The following MCM9 variants were observed in gnomAD, a reference collection of about 807,000 sequenced individuals.
MCM9 encodes minichromosome maintenance 9 homologous recombination repair factor, also known as DNA helicase MCM9.
Under a neutral mutation model 72.8 loss-of-function variants are expected in MCM9, and 55 were observed. That is an observed-to-expected ratio of 0.76 (90% CI 0.61 to 0.95). The LOEUF (loss-of-function observed/expected upper bound fraction) is 0.95, where lower values mean the gene tolerates loss of function less well. Among genes scored for constraint, MCM9 ranks in the 40% least tolerant of loss-of-function variants. MCM9 has a pLI of 0.00. For missense variants in MCM9, 1,279 were observed against 1,377.0 expected (o/e 0.93, Z 1.13); for synonymous variants, 480 against 503.4 (o/e 0.95, Z 0.62).
In MCM9 at chr6:118,826,278, T is replaced by C; in HGVS notation, c.1830A>G (p.Leu610=). 1 of 1,550,042 alleles carries C rather than the reference T, an allele frequency of 6.5e-7. No individual in the cohort carries two copies. The highest frequency in any genetic ancestry group is 8.7e-7 in the Non-Finnish European group (1 of 1,146,740). ...AAGTGTGGAGGGCATTCACACCTCC[T>C]AGCAGTGCACCTCCCTGAAGGGGTG... The part of the protein sequence containing the change: ...MESSMQGGAL[L]GGVNALHTSF... The change falls in exon 13 of 14, where the codon CTA becomes CTG. Residue 610 remains leucine, a synonymous_variant. Transcript: ENST00000619706.
intron 6 of MCM9, among the ~76,000 whole-genome samples, chr6:118,916,214 C>T (rs906763670): frequency 6.7e-6 from 1 of 150,136 alleles, no homozygotes; most frequent in Admixed American, 6.6e-5. Context: ...AAAAAAGAAA[C>T]CATTTTAATT....
intron 8 of MCM9, among the ~76,000 whole-genome samples, chr6:118,858,308 A>G (rs1298674630): frequency 6.6e-6 from 1 of 152,174 alleles, no homozygotes; most frequent in East Asian, 1.9e-4. Context: ...ACAAAACTCA[A>G]CAATCATTTG....
In MCM9 at chr6:118,815,128, C is replaced by T. The variant is rs1338198419; in HGVS notation, c.3128G>A (p.Gly1043Asp). 1 of 1,550,602 alleles carries T rather than the reference C, an allele frequency of 6.4e-7. No homozygotes were observed. The highest frequency in any genetic ancestry group is 8.7e-7 in the Non-Finnish European group (1 of 1,147,006). Residue 1043 changes from glycine to aspartate, a missense_variant, in exon 14 of 14, where the codon GGC (glycine) becomes GAC (aspartate). By Grantham distance (94) the Gly-to-Asp change is moderately conservative. Transcript: ENST00000619706. The part of the protein sequence containing the change: ...CEGDKKEEVS[G>D]SNKSGKVHAC... ...ATGAACCTTGCCGCTTTTATTACTGCCTGAAACCTCTTCCTTTTTGTCTCC... is the reference window on the plus strand; with the variant it reads ...ATGAACCTTGCCGCTTTTATTACTGTCTGAAACCTCTTCCTTTTTGTCTCC...
In MCM9 at chr6:118,813,892, CTTCAT is replaced by C. The variant is rs972291650; in HGVS notation, c.*927_*931del. ...TTGAGACTACCACATAGTCTCTCTT[CTTCAT>C]TTATTTTATTTTTAGAGACAGGATC... On this transcript the variant is annotated 3_prime_UTR_variant, in exon 14 of 14. Coordinates refer to ENST00000619706, the MANE Select transcript of MCM9 (RefSeq NM_017696.3). The C allele has an allele frequency of 6.6e-6, 1 of 152,046 alleles. No individual in the cohort carries two copies. Among genetic ancestry groups the C allele is most frequent in the African/African-American group, 2.4e-5 (1 of 41,398 alleles). The allele number at this position is 152,046 out of a possible 1,614,324, so 9.4% of individuals were successfully genotyped here. A position where few individuals can be genotyped will look rare whatever the true frequency, so the allele number is the denominator to read the frequency against.
intron 8 of MCM9, among the ~76,000 whole-genome samples, chr6:118,885,230 A>G (rs941177757): frequency 6.6e-6 from 1 of 152,128 alleles, no homozygotes; most frequent in Admixed American, 6.5e-5. Context: ...AAATGAATAA[A>G]TAAATAAAAA....
chr6:118,895,906 T>C (rs1779366559), intron 8 of MCM9, among the ~76,000 whole-genome samples: 1 of 152,148 alleles, frequency 6.6e-6, no homozygotes, highest in South Asian at 2.1e-4. Context: ...ATTTTAATTA[T>C]AAAACAATAT....
At chr6:118,888,080 C>T (rs1042527856) in intron 8 of MCM9, among the ~76,000 whole-genome samples, 3 of 152,164 alleles carry the variant, frequency 2.0e-5, no homozygotes, top group African/African-American at 7.2e-5. Flanking sequence ...CAATGAGATA[C>T]TATGTCACAC....
chr6:118,883,874 T>C (rs528843835), intron 8 of MCM9, among the ~76,000 whole-genome samples: 2 of 152,282 alleles, frequency 1.3e-5, no homozygotes, highest in South Asian at 2.1e-4. Flanking sequence ...CTCTGGGTGA[T>C]AACTCAAATT....
rs1474097246 is a variant in MCM9 at position 118,856,390 on chromosome 6, T to C, written c.1306A>G (p.Ile436Val). 6.5e-6 allele frequency: 10 copies of C among 1,535,186 alleles called. No homozygotes were observed. The highest frequency in any genetic ancestry group is 1.2e-5 in the South Asian group (1 of 83,892). The change falls in exon 9 of 14, where the codon ATA becomes GTA. Residue 436 changes from isoleucine (I) to valine (V), a missense_variant. Transcript: ENST00000619706. Reference sequence around the variant, plus strand: ...TCTTACCCAGCCTTAGCAACACTTATGGTTTGTTGCTCCATTGCTTCATGG... The same window carrying C: ...TCTTACCCAGCCTTAGCAACACTTACGGTTTGTTGCTCCATTGCTTCATGG... ...SIHEAMEQQT[I>V]SVAKAGLVCK...
intron 8 of MCM9, 116 bp from the exon 9 acceptor site, chr6:118,856,661 T>C: frequency 8.9e-7 from 1 of 1,129,240 alleles, no homozygotes; most frequent in Non-Finnish European, 1.2e-6. Flanking sequence ...AGAAGATTTC[T>C]TGAACACAGG....
intron 13 of MCM9, among the ~76,000 whole-genome samples, chr6:118,825,842 C>G (rs73519448): frequency 0.024 from 3,581 of 152,122 alleles, 163 homozygotes; most frequent in African/African-American, 0.082. Flanking sequence ...GTTATCTCAG[C>G]CAACACAATG....
In MCM9 at chr6:118,874,349, A is replaced by C. The variant is rs542122455; in HGVS notation, c.1151-17804T>G. Among the ~76,000 whole-genome samples, 5 of 152,326 alleles carry C rather than the reference A, an allele frequency of 3.3e-5. No individual in the cohort carries two copies. In the South Asian group the frequency reaches 1.0e-3, roughly 32 times the overall value. ...ATCACAATATCAATAGATGCAGAAA[A>C]AGCATCTGACAAAATCCGACAGCCA... On this transcript the variant is annotated intron_variant, in intron 8 of 13. Transcript: ENST00000619706.
intron 5 of MCM9, chr6:118,918,428 A>C (rs1583664971): frequency 1.3e-5 from 2 of 152,162 alleles, no homozygotes; most frequent in African/African-American, 4.8e-5. Context: ...ACCTGAGGAA[A>C]CCCTCCCACC....
At chr6:118,930,859 C>T (rs1782365405) in intron 3 of MCM9, among the ~76,000 whole-genome samples, 2 of 152,140 alleles carry the variant, frequency 1.3e-5, no homozygotes, top group Non-Finnish European at 1.5e-5. Context: ...AAGTGAGGGG[C>T]AAGGACTCCT....
chr6:118,929,526 A>T (rs1782205539), intron 3 of MCM9, among the ~76,000 whole-genome samples: 1 of 152,228 alleles, frequency 6.6e-6, no homozygotes, highest in Non-Finnish European at 1.5e-5. Context: ...TTCACCTGAA[A>T]CTGATAGGGT....
rs117399959 is a variant in MCM9 at position 118,903,564 on chromosome 6, C to T, written c.1150+8086G>A. Among the ~76,000 whole-genome samples the T allele has an allele frequency of 7.9e-3, 1,198 of 152,038 alleles. 8 individuals carry two copies. The highest frequency in any genetic ancestry group is 0.012 in the Non-Finnish European group (833 of 67,992). Reference sequence around the variant, plus strand: ...GCATACGTTCTTAGATAATTTGTGACAAGAAATATCAGCACATAAAAAAGG... The same window carrying T: ...GCATACGTTCTTAGATAATTTGTGATAAGAAATATCAGCACATAAAAAAGG... On this transcript the variant is annotated intron_variant, in intron 8 of 13. Transcript: ENST00000619706.
intron 13 of MCM9, among the ~76,000 whole-genome samples, chr6:118,822,539 A>G (rs1773886756): frequency 6.6e-6 from 1 of 152,100 alleles, no homozygotes; most frequent in Non-Finnish European, 1.5e-5. Flanking sequence ...GCTCTCCTAC[A>G]TGAAGTGTCT....
intron 9 of MCM9, among the ~76,000 whole-genome samples, chr6:118,848,793 G>A (rs564059897): frequency 4.7e-4 from 71 of 152,152 alleles, no homozygotes; most frequent in African/African-American, 1.7e-3. Flanking sequence ...GCATGGTAGC[G>A]TGTGTCTGTA....
At chr6:118,904,945 C>G (rs996250039) in intron 8 of MCM9, among the ~76,000 whole-genome samples, 6 of 152,198 alleles carry the variant, frequency 3.9e-5, no homozygotes, top group African/African-American at 1.2e-4. Context: ...TCAAGTGATT[C>G]TCCTGCCTCA....
Sources: gnomAD v4.1 joint callset for allele counts (sites outside exome capture counted in the v4.1 genomes callset) on GRCh38, gnomAD v4.1.1 for gene constraint, MANE v1.5 for transcripts, NCBI Gene and HGNC (gene_info 2026-07-23, HGNC 2026-07-21) for gene names.